Variants in CORO2B observed in about 807,000 individuals in gnomAD.
CORO2B encodes coronin 2B, also known as coronin-2B.
A neutral mutation model predicts 58.8 loss-of-function variants in CORO2B; 26 were observed. The ratio of observed to expected loss-of-function variants is 0.44; its 90% confidence interval spans 0.32 to 0.61. The LOEUF is 0.61. Among genes scored for constraint, CORO2B ranks in the 20% least tolerant of loss-of-function variants. The probability of loss-of-function intolerance (pLI) is 0.04; values close to 1 mark genes in which losing one functional copy is unlikely to be tolerated. For missense variants in CORO2B, 460 were observed against 645.1 expected (o/e 0.71, Z 3.11); for synonymous variants, 242 against 253.8 (o/e 0.95, Z 0.44).
chr15:68,645,181 C>A lies in CORO2B; in HGVS notation c.37C>A (p.Arg13Ser). 1 of 1,614,162 alleles carries A rather than the reference C, an allele frequency of 6.2e-7. No homozygotes were observed. Among genetic ancestry groups the A allele is most frequent in the Non-Finnish European group, 8.5e-7 (1 of 1,180,032 alleles). ...VTKMSWRPQY[R>S]SSKFRNVYGK... ...ACAGATGTCCTGGCGTCCGCAATAC[C>A]GTAGCTCCAAGTTCCGGAATGTCTA... is the stretch of plus-strand genomic sequence containing the variant. The change falls in exon 2 of 12, where the codon CGT becomes AGT. Residue 13 changes from arginine (R) to serine (S), a missense_variant. Around this residue, in one of 2 missense-constraint regions of CORO2B, gnomAD observed 352 missense variants for 543.0 expected, o/e 0.65. Coordinates refer to ENST00000261861, the MANE Select transcript of CORO2B (RefSeq NM_006091.5). The surrounding 1 kb of genome is among the most constrained non-coding windows in gnomAD (Gnocchi z 4.5).
At chr15:68,594,394 A>G (rs1899776936) in intron 1 of CORO2B, among the ~76,000 whole-genome samples, 1 of 152,204 alleles carries the variant, frequency 6.6e-6, no homozygotes, top group African/African-American at 2.4e-5. Context: ...CGCTTTTGGT[A>G]CAAGCTGAGC....
At chr15:68,521,982 A>C in the CORO2B span, among the ~76,000 whole-genome samples, 11 of 151,894 alleles carry the variant, frequency 7.2e-5, no homozygotes, top group Non-Finnish European at 2.9e-5. Context: ...TAATTTGTAA[A>C]ATTTTTTGTA....
chr15:68,691,723 C>T (rs1237379616), intron 2 of CORO2B, among the ~76,000 whole-genome samples: 1 of 151,900 alleles, frequency 6.6e-6, no homozygotes, highest in Non-Finnish European at 1.5e-5. Context: ...GTCTCCTTCC[C>T]GAGTGCAGGG....
chr15:68,536,947 G>A, the CORO2B span, among the ~76,000 whole-genome samples: 26 of 152,306 alleles, frequency 1.7e-4, no homozygotes, highest in African/African-American at 5.8e-4. Flanking sequence ...GGGAAACCAC[G>A]AATGGTGGTG....
At chr15:68,531,916 G>A in the CORO2B span, among the ~76,000 whole-genome samples, 2 of 151,640 alleles carry the variant, frequency 1.3e-5, no homozygotes, top group Non-Finnish European at 2.9e-5. Context: ...TGTTTTTGAA[G>A]GATATTTTTA....
At chr15:68,691,727 T>A (rs149844360) in intron 2 of CORO2B, among the ~76,000 whole-genome samples, 3 of 151,374 alleles carry the variant, frequency 2.0e-5, no homozygotes, top group Admixed American at 6.6e-5. Flanking sequence ...CCTTCCCGAG[T>A]GCAGGGCTCT....
intron 8 of CORO2B, among the ~76,000 whole-genome samples, chr15:68,716,372 C>T (rs1463701): frequency 0.86 from 130,585 of 152,222 alleles, 58,070 homozygotes; most frequent in East Asian, 1. Context: ...TTAGAGACCA[C>T]ATGTGCAAGG....
At chr15:68,536,380 A>G in the CORO2B span, among the ~76,000 whole-genome samples, 5 of 152,244 alleles carry the variant, frequency 3.3e-5, no homozygotes, top group Admixed American at 6.5e-5. Flanking sequence ...CTTGGCTTGT[A>G]GGAATCTTAT....
chr15:68,561,193 G>T, the CORO2B span, among the ~76,000 whole-genome samples: 2 of 152,260 alleles, frequency 1.3e-5, no homozygotes, highest in East Asian at 3.9e-4. Context: ...GAGGGTGCTC[G>T]GGAGATAAGG....
chr15:68,630,079 C>A (rs1900785619), intron 1 of CORO2B, among the ~76,000 whole-genome samples: 1 of 152,172 alleles, frequency 6.6e-6, no homozygotes, highest in African/African-American at 2.4e-5. Context: ...CCACCAGGCA[C>A]CGTGCCAGAT....
At chr15:68,554,831 G>A in the CORO2B span, among the ~76,000 whole-genome samples, 1 of 152,212 alleles carries the variant, frequency 6.6e-6, no homozygotes, top group Non-Finnish European at 1.5e-5. Flanking sequence ...CAGGGCTGCA[G>A]GAAGAGGCCC....
chr15:68,558,399 G>A, the CORO2B span, among the ~76,000 whole-genome samples: 2 of 151,762 alleles, frequency 1.3e-5, no homozygotes, highest in African/African-American at 2.4e-5. Context: ...ACAGGGTCTC[G>A]CTTTGTTAAC....
chr15:68,608,477 T>C (rs114701273), intron 1 of CORO2B, among the ~76,000 whole-genome samples: 3,702 of 152,294 alleles, frequency 0.024, 155 homozygotes, highest in African/African-American at 0.081. Context: ...GCCCTCTCCC[T>C]CAGGGAGCCC....
At chr15:68,649,416 G>T (rs1395485272) in intron 2 of CORO2B, among the ~76,000 whole-genome samples, 7 of 152,136 alleles carry the variant, frequency 4.6e-5, no homozygotes, top group African/African-American at 1.4e-4. Flanking sequence ...ATAGTGAAAG[G>T]TTGGAAACAA....
intron 1 of CORO2B, among the ~76,000 whole-genome samples, chr15:68,627,766 C>G (rs1197767951): frequency 6.6e-6 from 1 of 152,070 alleles, no homozygotes; most frequent in Non-Finnish European, 1.5e-5. Context: ...GCCTCATCTC[C>G]CTCTGTCTGC....
chr15:68,624,903 G>A (rs150537549), intron 1 of CORO2B, among the ~76,000 whole-genome samples: 3,676 of 152,116 alleles, frequency 0.024, 138 homozygotes, highest in African/African-American at 0.08. Flanking sequence ...GGCTGGTCTC[G>A]AACTCCTGAC....
the CORO2B span, among the ~76,000 whole-genome samples, chr15:68,565,651 T>C: frequency 6.6e-6 from 1 of 152,234 alleles, no homozygotes; most frequent in Non-Finnish European, 1.5e-5. Flanking sequence ...CATTGTATAG[T>C]GGACGGGATG....
intron 1 of CORO2B, among the ~76,000 whole-genome samples, chr15:68,608,675 C>G (rs992393927): frequency 6.6e-6 from 1 of 152,192 alleles, no homozygotes; most frequent in East Asian, 1.9e-4. Context: ...AGGGAGGGAA[C>G]TCCCCATGAA....
upstream of CORO2B, among the ~76,000 whole-genome samples, chr15:68,576,482 G>A (rs1164017986): frequency 6.6e-6 from 1 of 152,242 alleles, no homozygotes; most frequent in Admixed American, 6.5e-5. Context: ...CGGATGGCGG[G>A]AAAGGTGCCA....
Sources: gnomAD v4.1 joint callset for allele counts (sites outside exome capture counted in the v4.1 genomes callset) on GRCh38, gnomAD v4.1.1 for gene constraint, gnomAD v4.1.1 regional missense constraint, Gnocchi (gnomAD v3.1) non-coding constraint, MANE v1.5 for transcripts, NCBI Gene and HGNC (gene_info 2026-07-23, HGNC 2026-07-21) for gene names.